The following NOX4 variants were observed in gnomAD, a reference collection of about 807,000 sequenced individuals.
NOX4 encodes kidney oxidase-1.
A neutral mutation model predicts 87.6 loss-of-function variants in NOX4; 69 were observed. The ratio of observed to expected loss-of-function variants is 0.79; its 90% CI spans 0.65 to 0.96. The LOEUF is 0.96. Ranked by LOEUF, NOX4 falls within the 40% of genes least tolerant of loss-of-function variation. The pLI is 0.00. For missense variants in NOX4, 680 were observed against 681.5 expected (o/e 1.00, Z 0.02); for synonymous variants, 275 against 238.2 (o/e 1.15, Z -1.42).
intron 12 of NOX4, among the ~76,000 whole-genome samples, chr11:89,356,624 C>A (rs961726637): frequency 6.6e-6 from 1 of 152,092 alleles, no homozygotes; most frequent in African/African-American, 2.4e-5. Flanking sequence ...TTGGAATAGG[C>A]TGGACCTACT....
chr11:89,585,367 A>G, the NOX4 span, among the ~76,000 whole-genome samples: 22 of 152,186 alleles, frequency 1.4e-4, no homozygotes, highest in Admixed American at 5.2e-4. Context: ...GTTCTCAACT[A>G]GACACAAAAT....
chr11:89,340,336 G>A (rs890260088), intron 14 of NOX4, among the ~76,000 whole-genome samples, 165 bp from the exon 15 acceptor site: 2 of 152,134 alleles, frequency 1.3e-5, no homozygotes, highest in East Asian at 3.8e-4. Context: ...CTGATAGCAC[G>A]AGACCTAAAT....
In NOX4 at chr11:89,373,457, A is replaced by G. The variant is rs755246624; in HGVS notation, c.1110T>C (p.His370=). 1.3e-6 allele frequency: 2 copies of G among 1,598,320 alleles called. No individual in the cohort carries two copies. The highest frequency in any genetic ancestry group is 1.7e-6 in the Non-Finnish European group (2 of 1,166,750). ...PTETKATFGV[H]LKIVGDWTER... ...CTGTCCAGTCTCCTACTATTTTAAG[A>G]TGAACCCCAAATGTTGCTTTGGTTT... Residue 370 remains histidine, a synonymous_variant, in exon 12 of 18, where the codon CAT becomes CAC. Transcript: ENST00000263317.
intron 11 of NOX4, among the ~76,000 whole-genome samples, chr11:89,378,793 A>G (rs1364721421): frequency 1.3e-5 from 2 of 152,144 alleles, no homozygotes; most frequent in South Asian, 2.1e-4. Flanking sequence ...TACTCCAGAG[A>G]CTATTATGCT....
intron 2 of NOX4, among the ~76,000 whole-genome samples, chr11:89,468,242 G>A (rs1362104069): frequency 6.6e-6 from 1 of 152,122 alleles, no homozygotes; most frequent in African/African-American, 2.4e-5. Context: ...TCCACCCACA[G>A]AGCTACTCTG....
At chr11:89,481,253 T>TTA (rs1295461983) in intron 2 of NOX4, among the ~76,000 whole-genome samples, 184 of 151,836 alleles carry the variant, frequency 1.2e-3, no homozygotes, top group African/African-American at 3.2e-3. Context: ...CATATATATG[T>TTA]TATATATATA....
chr11:89,375,089 A>G (rs2135067877), intron 11 of NOX4, among the ~76,000 whole-genome samples: 1 of 152,310 alleles, frequency 6.6e-6, no homozygotes, highest in South Asian at 2.1e-4. Context: ...CTGAAAGCAC[A>G]TAATCTATGT....
intron 11 of NOX4, among the ~76,000 whole-genome samples, chr11:89,393,501 T>C (rs1471600465): frequency 2.6e-5 from 4 of 152,136 alleles, no homozygotes; most frequent in Non-Finnish European, 4.4e-5. Flanking sequence ...TACTTTCATA[T>C]TCCCGTTTCT....
chr11:89,481,528 G>T (rs1946391181), intron 2 of NOX4, among the ~76,000 whole-genome samples: 1 of 151,878 alleles, frequency 6.6e-6, no homozygotes, highest in Non-Finnish European at 1.5e-5. Flanking sequence ...AATCACAAAG[G>T]GAGAGAAATG....
At chr11:89,577,070 A>G in the NOX4 span, 9 of 151,994 alleles carry the variant, frequency 5.9e-5, no homozygotes, top group Non-Finnish European at 2.9e-5. Flanking sequence ...AAGGGTCCCA[A>G]TTTCTTTTCT....
At chr11:89,399,055 T>TAAA (rs1941667797) in intron 11 of NOX4, among the ~76,000 whole-genome samples, 1 of 151,944 alleles carries the variant, frequency 6.6e-6, no homozygotes, top group African/African-American at 2.4e-5. Context: ...AAAATTTTTT[T>TAAA]AAGTTTGTAT....
At chr11:89,367,576 T>C (rs1294432191) in intron 12 of NOX4, among the ~76,000 whole-genome samples, 1 of 152,060 alleles carries the variant, frequency 6.6e-6, no homozygotes, top group East Asian at 1.9e-4. Context: ...CATAGATCAC[T>C]CCTTTCTCAA....
intron 11 of NOX4, among the ~76,000 whole-genome samples, chr11:89,397,845 G>T (rs1941591209): frequency 6.6e-6 from 1 of 151,854 alleles, no homozygotes; most frequent in South Asian, 2.1e-4. Context: ...CCAAAAAAAA[G>T]TCTAGGATCA....
At chr11:89,415,907 A>G (rs952126050) in intron 8 of NOX4, among the ~76,000 whole-genome samples, 2 of 152,112 alleles carry the variant, frequency 1.3e-5, no homozygotes, top group Admixed American at 1.3e-4. Context: ...GTGGACATCT[A>G]ATTACAATCT....
chr11:89,414,782 C>T (rs1265621590), intron 8 of NOX4, among the ~76,000 whole-genome samples: 1 of 151,758 alleles, frequency 6.6e-6, no homozygotes, highest in African/African-American at 2.4e-5. Flanking sequence ...AGTTAGATTT[C>T]ACCTTCAAAA....
chr11:89,526,690 T>A, the NOX4 span, among the ~76,000 whole-genome samples: 1 of 152,154 alleles, frequency 6.6e-6, no homozygotes, highest in Non-Finnish European at 1.5e-5. Flanking sequence ...CCTGCTGCCT[T>A]GTAAAGAAGT....
intron 6 of NOX4, among the ~76,000 whole-genome samples, chr11:89,436,289 C>A (rs144968529): frequency 3.9e-5 from 6 of 152,124 alleles, no homozygotes. Flanking sequence ...CAAAGGGCAC[C>A]CTAAGCTAGC....
chr11:89,450,670 C>T (rs1413092129), intron 3 of NOX4, among the ~76,000 whole-genome samples: 1 of 151,542 alleles, frequency 6.6e-6, no homozygotes, highest in East Asian at 2.0e-4. Flanking sequence ...GTGCTGCACC[C>T]GTTAACTCGT....
chr11:89,583,404 T>G, the NOX4 span, among the ~76,000 whole-genome samples: 1 of 152,178 alleles, frequency 6.6e-6, no homozygotes, highest in Non-Finnish European at 1.5e-5. Flanking sequence ...ATGGGATAAG[T>G]GCAGTAATCT....
Sources: allele counts gnomAD v4.1 joint callset (sites outside exome capture counted in the v4.1 genomes callset), GRCh38; gene constraint gnomAD v4.1.1; transcripts MANE v1.5; gene names NCBI Gene and HGNC (gene_info 2026-07-23, HGNC 2026-07-21).